The following CDH8 variants were observed in gnomAD, a reference collection of about 807,000 sequenced individuals.
The protein encoded by CDH8 is cadherin 8.
CDH8 carries 17 observed loss-of-function variants against 68.1 expected under a neutral mutation model. The ratio of observed to expected loss-of-function variants is 0.25; its 90% CI spans 0.17 to 0.37. The LOEUF is 0.37. CDH8 is among the 10% of genes least tolerant of loss of function. The pLI is 1.00. For missense variants in CDH8, 763 were observed against 999.3 expected (o/e 0.76, Z 3.19); for synonymous variants, 372 against 365.1 (o/e 1.02, Z -0.21).
chr16:61,945,236 T>A (rs1337330915), intron 2 of CDH8, among the ~76,000 whole-genome samples: 1 of 152,120 alleles, frequency 6.6e-6, no homozygotes, highest in Admixed American at 6.6e-5. Context: ...AACAGGGTCA[T>A]TGTGAAGATT....
intron 2 of CDH8, among the ~76,000 whole-genome samples, chr16:61,942,854 T>C (rs1377683809): frequency 6.6e-6 from 1 of 152,196 alleles, no homozygotes; most frequent in Non-Finnish European, 1.5e-5. Flanking sequence ...TGAGGCTCAC[T>C]TGAGCCCAGG....
intron 10 of CDH8, among the ~76,000 whole-genome samples, chr16:61,666,959 C>T (rs1296597768): frequency 6.6e-6 from 1 of 151,970 alleles, no homozygotes; most frequent in African/African-American, 2.4e-5. Flanking sequence ...CCTTTCTACT[C>T]TAAATAATGA....
At chr16:61,929,060 C>T (rs974381175) in intron 2 of CDH8, among the ~76,000 whole-genome samples, 3 of 152,140 alleles carry the variant, frequency 2.0e-5, no homozygotes, top group Non-Finnish European at 2.9e-5. Flanking sequence ...AGGTGCCCGC[C>T]ACCATGCCCA....
chr16:61,971,363 G>C (rs1965337772), intron 2 of CDH8, among the ~76,000 whole-genome samples: 3 of 152,148 alleles, frequency 2.0e-5, no homozygotes, highest in Non-Finnish European at 4.4e-5. Context: ...ATTCCCATGA[G>C]CCCCTCCTTG....
chr16:61,711,690 A>G (rs528915081), intron 10 of CDH8: 5 of 151,822 alleles, frequency 3.3e-5, no homozygotes, highest in African/African-American at 9.6e-5. Context: ...TTATATATCT[A>G]TTTCAAACCT....
At chr16:61,849,429 C>T (rs1255011274) in intron 4 of CDH8, among the ~76,000 whole-genome samples, 1 of 152,094 alleles carries the variant, frequency 6.6e-6, no homozygotes, top group African/African-American at 2.4e-5. Context: ...TGGCCTTGTG[C>T]CTAATATTTA....
chr16:61,742,855 G>A (rs900308269), intron 8 of CDH8, among the ~76,000 whole-genome samples: 1 of 152,060 alleles, frequency 6.6e-6, no homozygotes, highest in East Asian at 1.9e-4. Flanking sequence ...ACTTTTCTCT[G>A]TTGAAATTTA....
At chr16:61,967,783 T>A (rs535345165) in intron 2 of CDH8, among the ~76,000 whole-genome samples, 35 of 152,246 alleles carry the variant, frequency 2.3e-4, no homozygotes, top group African/African-American at 8.4e-4. Flanking sequence ...ATACGACAGT[T>A]GAATTTAAAT....
At chr16:61,672,122 C>T (rs1356050096) in intron 10 of CDH8, among the ~76,000 whole-genome samples, 1 of 151,962 alleles carries the variant, frequency 6.6e-6, no homozygotes, top group African/African-American at 2.4e-5. Flanking sequence ...ATTTTCTAAG[C>T]TTGCCATCCC....
rs367955988 is a variant in CDH8, at chr16:61,896,844, A to G, written c.547+4335T>C. ...ACTTTTTGGCATACCTTTACATTGT[A>G]CTTTGTCATGCAAGTCCCACACAAT... On this transcript the variant is annotated intron_variant, in intron 3 of 11. Transcript: ENST00000577390. Among the ~76,000 whole-genome samples the G allele has an allele frequency of 1.1e-4, 16 of 152,216 alleles. No homozygotes were observed. The East Asian group carries it at 1.5e-3, about 15-fold the overall frequency.
rs944676406 is a variant in CDH8 at position 62,028,566 on chromosome 16, G to A, written c.-199-6964C>T. Among the ~76,000 whole-genome samples, 4 of 152,008 alleles carry A rather than the reference G, an allele frequency of 2.6e-5. No individual in the cohort carries two copies. In the East Asian group the frequency reaches 5.8e-4, roughly 22 times the overall value. Reference sequence around the variant, plus strand: ...TTCTGTTACAGAAATTTCAGAATGGGGTGACTAAGCCAGTGACAAAGACAA... The same window carrying A: ...TTCTGTTACAGAAATTTCAGAATGGAGTGACTAAGCCAGTGACAAAGACAA... On this transcript the variant is annotated intron_variant, in intron 1 of 11. Coordinates refer to ENST00000577390, the MANE Select transcript of CDH8 (RefSeq NM_001796.5).
chr16:61,838,475 G>T (rs10500458), intron 4 of CDH8, among the ~76,000 whole-genome samples: 4 of 152,076 alleles, frequency 2.6e-5, no homozygotes, highest in African/African-American at 7.2e-5. Flanking sequence ...GGGTGTCTCC[G>T]CAAGATTCTC....
At chr16:61,980,952 T>G (rs905137481) in intron 2 of CDH8, among the ~76,000 whole-genome samples, 6 of 152,196 alleles carry the variant, frequency 3.9e-5, no homozygotes, top group Non-Finnish European at 7.3e-5. Flanking sequence ...TTGCATGACC[T>G]TAAACAAGTT....
At chr16:61,956,650 C>T (rs1232727221) in intron 2 of CDH8, among the ~76,000 whole-genome samples, 5 of 152,020 alleles carry the variant, frequency 3.3e-5, no homozygotes, top group Admixed American at 3.3e-4. Flanking sequence ...GTTTGTATTT[C>T]CTTGGCAGGA....
chr16:61,767,314 A>T lies in CDH8; in HGVS notation c.1414+22032T>A, dbSNP rs373015716. ...TGCAAAATGAATATTAGTTAAGCACATTCTAATTATGAATTCATGAAAAGT... is the reference window on the plus strand; with the variant it reads ...TGCAAAATGAATATTAGTTAAGCACTTTCTAATTATGAATTCATGAAAAGT... On this transcript the variant is annotated intron_variant, in intron 8 of 11. Transcript: ENST00000577390. Among the ~76,000 whole-genome samples, 9 of 152,000 alleles carry T rather than the reference A, an allele frequency of 5.9e-5. No individual in the cohort carries two copies. The East Asian group carries it at 1.2e-3, about 20-fold the overall frequency.
chr16:61,787,322 C>CA (rs1961249481), intron 8 of CDH8, among the ~76,000 whole-genome samples: 2 of 146,176 alleles, frequency 1.4e-5, no homozygotes, highest in African/African-American at 5.2e-5. Context: ...TTTATGCAGC[C>CA]AAAAAACACA....
chr16:61,679,926 T>C (rs1415292730), intron 10 of CDH8, among the ~76,000 whole-genome samples: 1 of 151,996 alleles, frequency 6.6e-6, no homozygotes, highest in African/African-American at 2.4e-5. Flanking sequence ...CCTCATTGTA[T>C]TGTATGGATA....
chr16:61,870,314 C>T (rs371101719), intron 3 of CDH8, among the ~76,000 whole-genome samples: 1 of 152,044 alleles, frequency 6.6e-6, no homozygotes, highest in African/African-American at 2.4e-5. Flanking sequence ...TACAGCTGTT[C>T]GCCAGGCGGA....
chr16:62,029,292 A>G (rs1567575123), intron 1 of CDH8, among the ~76,000 whole-genome samples: 2 of 152,312 alleles, frequency 1.3e-5, no homozygotes, highest in East Asian at 3.9e-4. Context: ...TTTTATTGCA[A>G]TCTCTTGCTG....
Sources: allele counts gnomAD v4.1 joint callset (sites outside exome capture counted in the v4.1 genomes callset), GRCh38; gene constraint gnomAD v4.1.1; transcripts MANE v1.5; gene names NCBI Gene and HGNC (gene_info 2026-07-23, HGNC 2026-07-21).